LINGO2: variants seen among roughly 807,000 people sequenced by gnomAD.
LINGO2 encodes leucine rich repeat and Ig domain containing 2.
In LINGO2, 14 loss-of-function variants were observed where a neutral mutation model predicts 30.6. That is an observed-to-expected ratio of 0.46 (90% CI 0.30 to 0.72). The LOEUF (loss-of-function observed/expected upper bound fraction) is 0.72, where lower values mean the gene tolerates loss of function less well. LINGO2 is among the 30% of genes least tolerant of loss of function. The probability of loss-of-function intolerance (pLI) is 0.07; values close to 1 mark genes in which losing one functional copy is unlikely to be tolerated. For missense variants in LINGO2, 729 were observed against 751.7 expected (o/e 0.97, Z 0.35); for synonymous variants, 317 against 288.5 (o/e 1.10, Z -1.00).
the LINGO2 span, among the ~76,000 whole-genome samples, chr9:28,793,775 T>A: frequency 1.8e-4 from 27 of 152,062 alleles, no homozygotes; most frequent in South Asian, 5.2e-3. Flanking sequence ...GATATCACCC[T>A]GGAGCTTGTT....
At chr9:28,448,459 CA>C (rs1028324029) in intron 2 of LINGO2, among the ~76,000 whole-genome samples, 5 of 152,028 alleles carry the variant, frequency 3.3e-5, no homozygotes, top group African/African-American at 1.2e-4. Context: ...AAAACGCATG[CA>C]AAAGAAGACG....
the LINGO2 span, among the ~76,000 whole-genome samples, chr9:28,920,741 C>CAG: frequency 0.023 from 3,435 of 152,000 alleles, 138 homozygotes; most frequent in African/African-American, 0.079. Context: ...CACACACACA[C>CAG]GCACACAAAT....
chr9:29,208,653 T>C, the LINGO2 span, among the ~76,000 whole-genome samples: 2 of 152,170 alleles, frequency 1.3e-5, no homozygotes, highest in Admixed American at 1.3e-4. Flanking sequence ...CTGAAAGTTC[T>C]GTTTTTCTTT....
intron 5 of LINGO2, among the ~76,000 whole-genome samples, chr9:27,960,346 T>G (rs1204770090): frequency 6.6e-6 from 1 of 152,180 alleles, no homozygotes; most frequent in Non-Finnish European, 1.5e-5. Context: ...AAGCCAAATA[T>G]TTCCTGGCAA....
rs1387138402 is a variant in LINGO2 at position 28,632,722 on chromosome 9, ATATATAGATCTATATATT to A, written c.-365+37460_-365+37477del. Among the ~76,000 whole-genome samples, 616 of 138,482 alleles carry A rather than the reference ATATATAGATCTATATATT, an allele frequency of 4.4e-3. 6 individuals carry two copies. The highest frequency in any genetic ancestry group is 0.016 in the African/African-American group (599 of 36,882). 90.8% of individuals were successfully genotyped at this position (138,482 alleles called of 152,430 possible). ...GATCTATATATTTATATATAGATCT[ATATATAGATCTATATATT>A]TATATATAGATCTATATATATAGAT... On this transcript the variant is annotated intron_variant, in intron 1 of 5. Coordinates refer to ENST00000379992, the Ensembl canonical transcript of LINGO2.
chr9:27,946,337 C>G (rs1823363838), downstream of LINGO2, among the ~76,000 whole-genome samples: 1 of 152,054 alleles, frequency 6.6e-6, no homozygotes, highest in Non-Finnish European at 1.5e-5. Flanking sequence ...AACTATTATT[C>G]CATAGATCAG....
chr9:28,690,279 C>A, the LINGO2 span, among the ~76,000 whole-genome samples: 2 of 152,024 alleles, frequency 1.3e-5, no homozygotes, highest in Non-Finnish European at 2.9e-5. Context: ...AAGACATAGC[C>A]CAGCCCACAC....
chr9:29,055,166 C>T, the LINGO2 span, among the ~76,000 whole-genome samples: 2 of 152,044 alleles, frequency 1.3e-5, no homozygotes, highest in African/African-American at 4.8e-5. Flanking sequence ...TTGCAGTGAG[C>T]CGAGATCATG....
chr9:28,620,433 A>G (rs1826338509), intron 1 of LINGO2, among the ~76,000 whole-genome samples: 1 of 152,118 alleles, frequency 6.6e-6, no homozygotes, highest in Non-Finnish European at 1.5e-5. Context: ...ACTTCAGATC[A>G]TTTGTAACAG....
At chr9:27,978,051 G>A (rs1026369777) in intron 5 of LINGO2, among the ~76,000 whole-genome samples, 1 of 151,930 alleles carries the variant, frequency 6.6e-6, no homozygotes, top group Non-Finnish European at 1.5e-5. Context: ...GATGTCACTG[G>A]AAAGGACATC....
intron 5 of LINGO2, among the ~76,000 whole-genome samples, chr9:27,959,919 T>C (rs1314408055): frequency 6.6e-6 from 1 of 152,158 alleles, no homozygotes; most frequent in Non-Finnish European, 1.5e-5. Context: ...CTAAGTTCTA[T>C]AGGTTTGGGT....
intron 1 of LINGO2, among the ~76,000 whole-genome samples, chr9:28,633,650 C>T (rs576361583): frequency 3.1e-4 from 47 of 152,262 alleles, no homozygotes; most frequent in Middle Eastern, 6.8e-3. Context: ...GCCTGCCCTA[C>T]TTCCTCTACT....
the LINGO2 span, among the ~76,000 whole-genome samples, chr9:28,786,287 C>A: frequency 6.6e-6 from 1 of 152,190 alleles, no homozygotes; most frequent in Non-Finnish European, 1.5e-5. Context: ...CATTTTAGTC[C>A]ATTTTAATCT....
the LINGO2 span, among the ~76,000 whole-genome samples, chr9:28,749,189 C>T: frequency 6.6e-6 from 1 of 151,962 alleles, no homozygotes; most frequent in Non-Finnish European, 1.5e-5. Context: ...CTAACCTTAA[C>T]ATTTCCCACA....
chr9:28,603,535 G>T (rs1472194039), intron 1 of LINGO2, among the ~76,000 whole-genome samples: 2 of 151,918 alleles, frequency 1.3e-5, no homozygotes, highest in African/African-American at 2.4e-5. Flanking sequence ...GACCAAGGAG[G>T]AAATATATAT....
chr9:28,074,872 G>A (rs952764274), intron 4 of LINGO2, among the ~76,000 whole-genome samples: 7 of 151,546 alleles, frequency 4.6e-5, no homozygotes, highest in African/African-American at 1.7e-4. Flanking sequence ...TAGGAGTGGG[G>A]AATAAAGCAT....
intron 2 of LINGO2, among the ~76,000 whole-genome samples, chr9:28,445,148 A>T (rs569727941): frequency 6.6e-6 from 1 of 152,312 alleles, no homozygotes; most frequent in East Asian, 1.9e-4. Context: ...TATCAATAAT[A>T]ATATACATTC....
At chr9:28,770,487 G>A in the LINGO2 span, among the ~76,000 whole-genome samples, 9 of 152,110 alleles carry the variant, frequency 5.9e-5, no homozygotes, top group African/African-American at 2.2e-4. Context: ...TGTTTTCACT[G>A]TCTGGTTGCT....
At chr9:28,838,971 A>G in the LINGO2 span, among the ~76,000 whole-genome samples, 1 of 152,208 alleles carries the variant, frequency 6.6e-6, no homozygotes, top group South Asian at 2.1e-4. Context: ...AGCTCCCTGC[A>G]AGGCTGCAGC....
Sources: allele counts gnomAD v4.1 joint callset (sites outside exome capture counted in the v4.1 genomes callset), GRCh38; gene constraint gnomAD v4.1.1; transcripts MANE v1.5; gene names NCBI Gene and HGNC (gene_info 2026-07-23, HGNC 2026-07-21).